PRKAR2B: variants seen among roughly 807,000 people sequenced by gnomAD.
The protein encoded by PRKAR2B is cAMP-dependent protein kinase type II-beta regulatory subunit.
PRKAR2B carries 14 observed loss-of-function variants against 49.9 expected under a neutral mutation model. The ratio of observed to expected loss-of-function variants is 0.28; its 90% CI spans 0.19 to 0.44. The LOEUF (loss-of-function observed/expected upper bound fraction) is 0.44, where lower values mean the gene tolerates loss of function less well. Ranked by LOEUF, PRKAR2B falls within the 20% of genes least tolerant of loss-of-function variation. The pLI is 1.00. For missense variants in PRKAR2B, 393 were observed against 537.9 expected, an observed-to-expected ratio of 0.73 and a Z score of 2.67; for synonymous variants, 196 against 197.7, an observed-to-expected ratio of 0.99 and a Z score of 0.07.
chr7:107,157,383 T>G (rs557657576), intron 10 of PRKAR2B, 59 bp downstream of exon 10: 147 of 1,545,714 alleles, frequency 9.5e-5, no homozygotes, highest in Non-Finnish European at 1.2e-4. Flanking sequence ...GCATTTTATG[T>G]ATTCATGTTG....
chr7:107,111,451 G>A (rs1411026793), intron 2 of PRKAR2B, among the ~76,000 whole-genome samples: 18 of 152,096 alleles, frequency 1.2e-4, no homozygotes, highest in Admixed American at 1.2e-3. Flanking sequence ...CCTTGGGTGA[G>A]ATCCCAGTGC....
At chr7:107,062,622 A>G (rs766873504) in intron 1 of PRKAR2B, among the ~76,000 whole-genome samples, 2 of 152,178 alleles carry the variant, frequency 1.3e-5, no homozygotes, top group East Asian at 3.8e-4. Context: ...TTATATCTTG[A>G]TTGGAGTGTT....
intron 1 of PRKAR2B, among the ~76,000 whole-genome samples, chr7:107,046,752 G>A (rs1793703311): frequency 6.6e-6 from 1 of 152,020 alleles, no homozygotes; most frequent in Non-Finnish European, 1.5e-5. Context: ...TGACATGTTC[G>A]TGCACACACA....
chr7:107,064,106 A>G (rs1254321268), intron 1 of PRKAR2B, among the ~76,000 whole-genome samples: 1 of 152,150 alleles, frequency 6.6e-6, no homozygotes, highest in Non-Finnish European at 1.5e-5. Context: ...GTTTTTCTTG[A>G]CATTGTTACT....
At chr7:107,100,668 AT>A (rs1270014649) in intron 2 of PRKAR2B, among the ~76,000 whole-genome samples, 1 of 152,038 alleles carries the variant, frequency 6.6e-6, no homozygotes, top group Non-Finnish European at 1.5e-5. Context: ...ACGACTGTCT[AT>A]TTTTATTCAT....
rs774425222 is a variant in PRKAR2B at position 107,128,313 on chromosome 7, A to G, written c.480+18A>G. 1 of 1,569,986 alleles carries G rather than the reference A, an allele frequency of 6.4e-7. No individual in the cohort carries two copies. Among genetic ancestry groups the G allele is most frequent in the Non-Finnish European group, 8.8e-7 (1 of 1,140,074 alleles). On this transcript the variant is annotated intron_variant, in intron 4 of 10. Coordinates refer to ENST00000265717, the MANE Select transcript of PRKAR2B (RefSeq NM_002736.3). ...TGGATCCGGTAAGATAAATCTTAAT[A>G]ATAGAAATGGCTTTGTTTTTTCCCC...
intron 2 of PRKAR2B, among the ~76,000 whole-genome samples, chr7:107,076,030 A>G (rs1794389290): frequency 6.6e-6 from 1 of 152,016 alleles, no homozygotes; most frequent in Non-Finnish European, 1.5e-5. Flanking sequence ...ATCCTAAGAT[A>G]CTGTTTTGAA....
At chr7:107,082,777 G>A (rs1247200192) in intron 2 of PRKAR2B, among the ~76,000 whole-genome samples, 3 of 148,558 alleles carry the variant, frequency 2.0e-5, no homozygotes, top group Non-Finnish European at 4.5e-5. Context: ...TTGTATTTTT[G>A]GTAGAGACAG....
intron 2 of PRKAR2B, among the ~76,000 whole-genome samples, chr7:107,118,686 T>C (rs908592002): frequency 1.3e-5 from 2 of 152,168 alleles, no homozygotes; most frequent in African/African-American, 4.8e-5. Flanking sequence ...GTTTCCAGAA[T>C]TAGTTCTGTG....
chr7:107,129,205 A>G (rs1414390342), intron 4 of PRKAR2B: 1 of 152,244 alleles, frequency 6.6e-6, no homozygotes, highest in Non-Finnish European at 1.5e-5. Flanking sequence ...TCATATTTAC[A>G]GTCTGAAATA....
intron 3 of PRKAR2B, among the ~76,000 whole-genome samples, chr7:107,126,908 C>T (rs758090436): frequency 1.3e-4 from 20 of 152,170 alleles, no homozygotes; most frequent in Non-Finnish European, 2.6e-4. Flanking sequence ...CAAAGGTTTA[C>T]ATCTACCTTA....
intron 2 of PRKAR2B, among the ~76,000 whole-genome samples, chr7:107,078,625 C>T (rs918268166): frequency 2.0e-5 from 3 of 151,872 alleles, no homozygotes; most frequent in African/African-American, 7.3e-5. Flanking sequence ...GCTCCTGGCT[C>T]ATTTCCAGCC....
intron 6 of PRKAR2B, among the ~76,000 whole-genome samples, chr7:107,148,433 C>T (rs1424273297): frequency 6.6e-6 from 1 of 152,130 alleles, no homozygotes; most frequent in African/African-American, 2.4e-5. Context: ...TTTCCTAGTG[C>T]ACGTACTACT....
chr7:107,154,780 C>T (rs1796049723), intron 8 of PRKAR2B, among the ~76,000 whole-genome samples: 1 of 152,178 alleles, frequency 6.6e-6, no homozygotes, highest in South Asian at 2.1e-4. Flanking sequence ...ATTCAGACTG[C>T]ATCATTGGAG....
intron 2 of PRKAR2B, among the ~76,000 whole-genome samples, chr7:107,117,267 A>G (rs896016178): frequency 6.6e-6 from 1 of 152,074 alleles, no homozygotes; most frequent in Non-Finnish European, 1.5e-5. Context: ...TTCCCCTTCA[A>G]TAAGCTAAGT....
intron 2 of PRKAR2B, among the ~76,000 whole-genome samples, chr7:107,109,334 A>G (rs772272155): frequency 6.6e-6 from 1 of 151,914 alleles, no homozygotes; most frequent in Non-Finnish European, 1.5e-5. Context: ...ATCTTGGCTC[A>G]CTGCAGCCTT....
At chr7:107,105,512 TC>T (rs898841267) in intron 2 of PRKAR2B, among the ~76,000 whole-genome samples, 1 of 152,204 alleles carries the variant, frequency 6.6e-6, no homozygotes, top group African/African-American at 2.4e-5. Flanking sequence ...AAAGACAGTA[TC>T]CCTGAGAAAT....
intron 1 of PRKAR2B, among the ~76,000 whole-genome samples, chr7:107,049,148 G>T (rs1793755651): frequency 6.6e-6 from 1 of 152,158 alleles, no homozygotes; most frequent in Non-Finnish European, 1.5e-5. Context: ...GAGATCTTGT[G>T]TTGCCCCATA....
intron 4 of PRKAR2B, among the ~76,000 whole-genome samples, chr7:107,132,676 G>A (rs868547765): frequency 6.6e-6 from 1 of 152,138 alleles, no homozygotes; most frequent in Admixed American, 6.5e-5. Flanking sequence ...GAGTGACTGC[G>A]AAGTTGCCAC....
Sources: allele counts gnomAD v4.1 joint callset (sites outside exome capture counted in the v4.1 genomes callset), GRCh38; gene constraint gnomAD v4.1.1; transcripts MANE v1.5; gene names NCBI Gene and HGNC (gene_info 2026-07-23, HGNC 2026-07-21).